The following CAPN8 variants were observed in gnomAD, a reference collection of about 807,000 sequenced individuals.
CAPN8 encodes calpain-8.
A neutral mutation model predicts 80.9 loss-of-function variants in CAPN8; 87 were observed. The ratio of observed to expected loss-of-function variants is 1.07; its 90% CI spans 0.90 to 1.28. CAPN8 has a LOEUF of 1.28. Among genes scored for constraint, CAPN8 ranks in the 50% most tolerant of loss-of-function variants. CAPN8 has a pLI of 0.00. For missense variants in CAPN8, 757 were observed against 702.0 expected (o/e 1.08, Z -0.89); for synonymous variants, 299 against 273.8 (o/e 1.09, Z -0.91).
chr1:223,620,414 G>A lies in CAPN8; in HGVS notation c.900-148C>T, dbSNP rs560972188. ...ACAGAAAGGCAGAATGGACAGTGTG[G>A]CGCGAGCACACTGTCTGGGGAAGGG... On this transcript the variant is annotated intron_variant, in intron 7 of 20. Transcript: ENST00000366872. The A allele has an allele frequency of 3.6e-4, 245 of 680,816 alleles. 4 individuals carry two copies. The South Asian group carries it at 4.2e-3, about 12-fold the overall frequency. The allele number at this position is 680,816 out of a possible 1,614,324, so 42.2% of individuals were successfully genotyped here.
At chr1:223,625,461 A>G (rs1657542391) in intron 6 of CAPN8, among the ~76,000 whole-genome samples, 1 of 152,120 alleles carries the variant, frequency 6.6e-6, no homozygotes, top group Non-Finnish European at 1.5e-5. Flanking sequence ...TTAGAAAAAA[A>G]ATTTTTAATT....
chr1:223,543,366 G>A (rs1336554248), intron 19 of CAPN8, among the ~76,000 whole-genome samples, 200 bp from the exon 20 acceptor site: 1 of 150,830 alleles, frequency 6.6e-6, no homozygotes, highest in East Asian at 2.0e-4. Flanking sequence ...TGGGGGATCA[G>A]ATGCCCCCCT....
At chr1:223,616,950 C>T (rs1357871016) in intron 9 of CAPN8, 1 of 152,158 alleles carries the variant, frequency 6.6e-6, no homozygotes, top group Non-Finnish European at 1.5e-5. Flanking sequence ...ATAGTAAGTA[C>T]ACAAGCCAAG....
intron 7 of CAPN8, among the ~76,000 whole-genome samples, chr1:223,622,311 T>G (rs1207416261): frequency 3.3e-5 from 5 of 152,168 alleles, no homozygotes; most frequent in African/African-American, 1.2e-4. Flanking sequence ...GTCTCTCCAG[T>G]CAGTGATCAA....
chr1:223,552,983 G>A (rs1656829794), intron 14 of CAPN8, among the ~76,000 whole-genome samples: 1 of 152,148 alleles, frequency 6.6e-6, no homozygotes, highest in South Asian at 2.1e-4. Context: ...CAATGGCTAT[G>A]CAAAGGAACT....
chr1:223,631,425 G>C (rs1454563589), intron 2 of CAPN8, among the ~76,000 whole-genome samples: 1 of 152,010 alleles, frequency 6.6e-6, no homozygotes, highest in Non-Finnish European at 1.5e-5. Flanking sequence ...CCAGCACCAA[G>C]CCCTTCCTCC....
chr1:223,628,130 C>T lies in CAPN8; in HGVS notation c.439G>A (p.Gly147Arg), dbSNP rs1485837688. ...TCAATGACCACCTCCACCCACTCTC[C>T]GTACTGCCAGAACTGGGGAGGGGGG... ...GIFHFQFWQY[G>R]EWVEVVIDDR... is the part of the protein sequence containing the mutation. The change falls in exon 4 of 21, where the codon GGA (glycine) becomes AGA (arginine). Residue 147 changes from glycine (G) to arginine (R), a missense_variant. Physicochemically the swap from Gly to Arg is moderately radical, Grantham distance 125 (BLOSUM62 -2). Transcript: ENST00000366872. 8.1e-5 allele frequency: 126 copies of T among 1,547,698 alleles called. No individual in the cohort carries two copies. Among genetic ancestry groups the T allele is most frequent in the East Asian group, 4.9e-4 (20 of 40,816 alleles).
chr1:223,544,873 A>G (rs1266009397), intron 17 of CAPN8, 23 bp from the exon 18 acceptor site: 3 of 1,551,368 alleles, frequency 1.9e-6, no homozygotes, highest in African/African-American at 2.7e-5. Flanking sequence ...AGAAATCCCA[A>G]GTAGAAAACA....
intron 14 of CAPN8, 58 bp from the exon 15 acceptor site, chr1:223,551,075 A>G (rs1014394565): frequency 1.8e-5 from 13 of 710,780 alleles, no homozygotes; most frequent in Admixed American, 1.6e-4. Flanking sequence ...GTTTCAAGAC[A>G]GTAAATTAAT....
chr1:223,545,989 ATTTTT>A (rs35357819), intron 16 of CAPN8, among the ~76,000 whole-genome samples: 1 of 111,420 alleles, frequency 9.0e-6, no homozygotes, highest in Non-Finnish European at 1.8e-5. Flanking sequence ...TACTCCACTA[ATTTTT>A]TTTTTTTTTT....
intron 17 of CAPN8, 119 bp downstream of exon 17, chr1:223,545,112 C>T (rs926240715): frequency 3.0e-5 from 45 of 1,495,126 alleles, no homozygotes; most frequent in Non-Finnish European, 4.0e-5. Context: ...GACCAATGTG[C>T]CCAGGACTCA....
At position 223,665,318 on chromosome 1, in the gene CAPN8, T is replaced by C. The variant is rs1658756628; in HGVS notation, c.237+92A>G. On this transcript the variant is annotated intron_variant, in intron 1 of 20. Transcript: ENST00000366872. ...AAATATGAGATCCAGACACTTAGGG[T>C]CCACAGCCTCAACTTCTCCCTCAGT... is the stretch of plus-strand genomic sequence containing the variant. 11 of 983,132 alleles carry C rather than the reference T, an allele frequency of 1.1e-5. No homozygotes were observed. The Admixed American group carries it at 1.7e-4, about 15-fold the overall frequency. The allele number at this position is 983,132 out of a possible 1,614,324, so 60.9% of individuals were successfully genotyped here.
Position 223,653,307 on chromosome 1 carries a change from G to C in CAPN8, c.307+1023C>G, listed in dbSNP as rs1037618200. Among the ~76,000 whole-genome samples the C allele has an allele frequency of 3.3e-5, 5 of 151,810 alleles. 1 individual carries two copies. The highest frequency in any genetic ancestry group is 6.6e-5 in the Admixed American group (1 of 15,228). ...TGTGAGCTCTTTCTAAGGTACATTT[G>C]CTATATTCATTAAAGGAGAGAACAT... is the stretch of plus-strand genomic sequence containing the variant. On this transcript the variant is annotated intron_variant, in intron 2 of 20. Transcript: ENST00000366872.
chr1:223,643,271 G>A (rs753557836), intron 2 of CAPN8, among the ~76,000 whole-genome samples: 13 of 152,200 alleles, frequency 8.5e-5, no homozygotes, highest in Non-Finnish European at 1.6e-4. Context: ...TGTCCCCTCC[G>A]AAAATGATCC....
intron 11 of CAPN8, among the ~76,000 whole-genome samples, chr1:223,609,981 G>A (rs1033840478): frequency 5.3e-5 from 8 of 152,342 alleles, no homozygotes; most frequent in East Asian, 3.9e-4. Flanking sequence ...AACAGGCGAC[G>A]ATGCTCTCCA....
rs1657433635 is a variant in CAPN8 at position 223,622,627 on chromosome 1, C to T, written c.899+188G>A. On this transcript the variant is annotated intron_variant, in intron 7 of 20. Transcript: ENST00000366872. ...AGAAAGCCAGAATCGAAGACTACAGCCCAGTGGTTTTTATTTTGCTTTTCC... is the reference window on the plus strand; with the variant it reads ...AGAAAGCCAGAATCGAAGACTACAGTCCAGTGGTTTTTATTTTGCTTTTCC... 8.4e-6 allele frequency: 5 copies of T among 597,444 alleles called. No individual in the cohort carries two copies. The South Asian group carries it at 1.0e-4, about 12-fold the overall frequency. The allele number at this position is 597,444 out of a possible 1,614,324, so 37.0% of individuals were successfully genotyped here.
chr1:223,554,252 T>C (rs1656858719), intron 13 of CAPN8, among the ~76,000 whole-genome samples: 1 of 152,222 alleles, frequency 6.6e-6, no homozygotes, highest in African/African-American at 2.4e-5. Context: ...ATCTGTGGAC[T>C]CCTAAGGGAA....
rs149493582 is a variant in CAPN8 at position 223,546,118 on chromosome 1, C to A, written c.1765-819G>T. ...AAGTGCCACGACTATTTTTTTTTAA[C>A]GCTGTGCTAGTCAATAGGGATTTAG... On this transcript the variant is annotated intron_variant, in intron 16 of 20. Transcript: ENST00000366872. Among the ~76,000 whole-genome samples, 699 of 150,258 alleles carry A rather than the reference C, an allele frequency of 4.7e-3. 5 individuals carry two copies. Among genetic ancestry groups the A allele is most frequent in the African/African-American group, 0.016 (658 of 40,918 alleles).
intron 2 of CAPN8, among the ~76,000 whole-genome samples, chr1:223,648,242 C>CGGAGTAGCAAAGTGAAGTAGGAAGTT (rs1373781703): frequency 2.0e-5 from 3 of 152,220 alleles, no homozygotes; most frequent in African/African-American, 7.2e-5. Context: ...AGAGGAGCCA[C>CGGAGTAGCAAAGTGAAGTAGGAAGTT]CACGGGTAGC....
Sources: allele counts gnomAD v4.1 joint callset (sites outside exome capture counted in the v4.1 genomes callset), GRCh38; gene constraint gnomAD v4.1.1; transcripts MANE v1.5; gene names NCBI Gene and HGNC (gene_info 2026-07-23, HGNC 2026-07-21).